Variants in MMP19 observed in about 807,000 individuals in gnomAD.
The protein encoded by MMP19 is matrix metallopeptidase 19.
Under a neutral mutation model 46.6 loss-of-function variants are expected in MMP19, and 47 were observed. The ratio of observed to expected loss-of-function variants is 1.01; its 90% CI spans 0.80 to 1.29. The LOEUF is 1.29. Ranked by LOEUF, MMP19 falls within the 50% of genes most tolerant of loss-of-function variation. The pLI, the probability that MMP19 is intolerant of heterozygous loss-of-function variation, is 0.00. For synonymous variants in MMP19, 222 were observed against 248.5 expected, an observed-to-expected ratio of 0.89 and a Z score of 1.00; for missense variants, 589 against 643.5, an observed-to-expected ratio of 0.92 and a Z score of 0.92.
chr12:55,837,568 A>C lies in MMP19; in HGVS notation c.1175T>G (p.Val392Gly). The C allele has an allele frequency of 6.2e-7, 1 of 1,614,176 alleles. No individual in the cohort carries two copies. The highest frequency in any genetic ancestry group is 8.5e-7 in the Non-Finnish European group (1 of 1,180,034). Residue 392 changes from valine to glycine, a missense_variant, in exon 8 of 9, where the codon GTG becomes GGG. Physicochemically the swap from Val to Gly is moderately radical, Grantham distance 109. Transcript: ENST00000322569. ...TGAACTTTATACCTTAAAGAGGAAC[A>C]CCTTTTGGTTGAGAGGCCAATAGAG... ...AALYWPLNQK[V>G]FLFKGSGYWQ...
Position 55,837,374 on chromosome 12 carries a change from C to T in MMP19, c.1189G>A (p.Gly397Ser). Reference sequence around the variant, plus strand: ...TCGTCCCACTGCCAGTACCCGGAGCCCTGGATATGGGATGGGTGGGGAGAG... The same window carrying T: ...TCGTCCCACTGCCAGTACCCGGAGCTCTGGATATGGGATGGGTGGGGAGAG... ...PLNQKVFLFK[G>S]SGYWQWDELA... Residue 397 changes from glycine to serine, a missense_variant and splice_region_variant, in exon 9 of 9, where the codon GGC becomes AGC. Physicochemically the swap from Gly to Ser is moderately conservative, Grantham distance 56 (BLOSUM62 0). Transcript: ENST00000322569. 6.3e-7 allele frequency: 1 copy of T among 1,596,578 alleles called. No individual in the cohort carries two copies. Among genetic ancestry groups the T allele is most frequent in the Non-Finnish European group, 8.6e-7 (1 of 1,167,882 alleles).
chr12:55,842,779 C>T lies in MMP19; in HGVS notation c.52G>A (p.Gly18Ser). The T allele has an allele frequency of 6.2e-7, 1 of 1,607,662 alleles. No homozygotes were observed. Among genetic ancestry groups the T allele is most frequent in the South Asian group, 1.1e-5 (1 of 89,850 alleles). The change falls in exon 1 of 9, where the codon GGC (glycine) becomes AGC (serine). Residue 18 changes from glycine to serine, a missense_variant. Physicochemically the swap from Gly to Ser is moderately conservative, Grantham distance 56 (BLOSUM62 0). Transcript: ENST00000322569. ...ACCTCTGCAAGCCCCAGGACCCGGC[C>T]TGAGACTGTCATGGGGAGTAGGAAG... The part of the protein sequence containing the change: ...LGFLLPMTVS[G>S]RVLGLAEVAP...
intron 2 of MMP19, among the ~76,000 whole-genome samples, chr12:55,841,712 C>T (rs577110527): frequency 6.6e-6 from 1 of 152,278 alleles, no homozygotes; most frequent in East Asian, 1.9e-4. Context: ...AGCCACCATG[C>T]CCAGCCCCTC....
intron 2 of MMP19, among the ~76,000 whole-genome samples, chr12:55,841,989 A>G (rs907929179): frequency 2.0e-5 from 3 of 152,238 alleles, no homozygotes; most frequent in Admixed American, 6.5e-5. Context: ...AAACTATAAA[A>G]TAGAAATAAA....
rs148639878 is a variant in MMP19, at chr12:55,837,124, G to A, written c.1439C>T (p.Thr480Ile). The A allele has an allele frequency of 1.9e-4, 310 of 1,613,974 alleles. 5 individuals carry two copies. The East Asian group carries it at 6.8e-3, about 35-fold the overall frequency. ...MHCRPRTIDT[T>I]PSGGNTTPSG... is the part of the protein sequence containing the mutation. ...GGGAGTGGTATTCCCACCTGATGGG[G>A]TAGTGTCTATAGTCCGGGGACGACA... Residue 480 changes from threonine to isoleucine, a missense_variant, in exon 9 of 9, where the codon ACC (threonine) becomes ATC (isoleucine). By Grantham distance (89) the Thr-to-Ile change is moderately conservative (BLOSUM62 -1). Coordinates refer to ENST00000322569, the MANE Select transcript of MMP19 (RefSeq NM_002429.6).
chr12:55,836,644 T>G lies in MMP19; in HGVS notation c.*392A>C, dbSNP rs1469025529. On this transcript the variant is annotated 3_prime_UTR_variant, in exon 9 of 9. Transcript: ENST00000322569. ...AGGATTCCAAGGCCCTTGCTCAGTT[T>G]ACTGGCCATGCTGTTTTCTTGCATT... 1 of 164,164 alleles carries G rather than the reference T, an allele frequency of 6.1e-6. No homozygotes were observed. The highest frequency in any genetic ancestry group is 1.8e-4 in the East Asian group (1 of 5,656). The allele number at this position is 164,164 out of a possible 1,614,324, so 10.2% of individuals were successfully genotyped here.
chr12:55,839,533 C>A lies in MMP19; in HGVS notation c.729G>T (p.Leu243=). ...VYEGYRPHFK[L]HPDDVAGIQA... is the part of the protein sequence containing the mutation. Reference sequence around the variant, plus strand: ...GGATCCCTGCCACATCATCTGGGTGCAGCTTAAAGTGGGGCCGGTAGCCCT... The same window carrying A: ...GGATCCCTGCCACATCATCTGGGTGAAGCTTAAAGTGGGGCCGGTAGCCCT... The change falls in exon 5 of 9, where the codon CTG becomes CTT. Residue 243 remains leucine, a synonymous_variant. Coordinates refer to ENST00000322569, the MANE Select transcript of MMP19 (RefSeq NM_002429.6). The A allele has an allele frequency of 6.2e-7, 1 of 1,612,884 alleles. No homozygotes were observed. The highest frequency in any genetic ancestry group is 8.5e-7 in the Non-Finnish European group (1 of 1,178,952).
chr12:55,842,215 A>G (rs150004439), intron 2 of MMP19, 138 bp downstream of exon 2: 3 of 685,286 alleles, frequency 4.4e-6, no homozygotes, highest in African/African-American at 1.8e-5. Flanking sequence ...CCACCACCAT[A>G]ATAATGATCG....
chr12:55,838,384 C>A, intron 6 of MMP19: 1 of 957,202 alleles, frequency 1.0e-6, no homozygotes, highest in East Asian at 2.5e-5. Flanking sequence ...TCTAGTGGCC[C>A]TTAGAGCGTG....
chr12:55,837,470 T>C (rs1881320641), intron 8 of MMP19, 85 bp downstream of exon 8: 3 of 1,592,338 alleles, frequency 1.9e-6, no homozygotes, highest in Admixed American at 1.7e-5. Flanking sequence ...GCAGAACATC[T>C]CCCTTCAAGC....
intron 6 of MMP19, 43 bp downstream of exon 6, chr12:55,838,563 T>A: frequency 6.2e-7 from 1 of 1,613,990 alleles, no homozygotes; most frequent in Non-Finnish European, 8.5e-7. Flanking sequence ...ATCAGCAGGC[T>A]GCCCCCACCG....
At chr12:55,838,233 C>T (rs1368764552) in intron 6 of MMP19, 2 of 621,660 alleles carry the variant, frequency 3.2e-6, no homozygotes, top group Non-Finnish European at 5.5e-6. Flanking sequence ...AACAAAAGCC[C>T]TGCAGATAGC....
Position 55,842,846 on chromosome 12 carries a change from G to A in MMP19, c.-16C>T. On this transcript the variant is annotated 5_prime_UTR_variant, in exon 1 of 9. Transcript: ENST00000322569. ...GGCAGTTCATGGTCCCACCAGACGA[G>A]AGCTCCAGAGGCTGTCCGTGCCTCT... 6.3e-7 allele frequency: 1 copy of A among 1,578,434 alleles called. No homozygotes were observed. The highest frequency in any genetic ancestry group is 8.6e-7 in the Non-Finnish European group (1 of 1,162,326).
At chr12:55,842,264 G>A (rs1427544656) in intron 2 of MMP19, 89 bp downstream of exon 2, 2 of 1,037,950 alleles carry the variant, frequency 1.9e-6, no homozygotes, top group East Asian at 2.4e-5. Context: ...TTAGGGTCAG[G>A]AGGAGGTGGG....
chr12:55,839,569 G>A lies in MMP19; in HGVS notation c.693C>T (p.Ala231=). The part of the protein sequence containing the change: ...GHSRYSQALM[A]PVYEGYRPHF... ...GGGGCCGGTAGCCCTCGTAGACTGG[G>A]GCCATGAGGGCCTGGGAATATCGGG... The change falls in exon 5 of 9, where the codon GCC becomes GCT. Residue 231 remains alanine, a synonymous_variant. Transcript: ENST00000322569. The A allele has an allele frequency of 6.2e-7, 1 of 1,614,200 alleles. No individual in the cohort carries two copies. Among genetic ancestry groups the A allele is most frequent in the Non-Finnish European group, 8.5e-7 (1 of 1,180,028 alleles).
Position 55,837,702 on chromosome 12 carries a change from G to A in MMP19, c.1061-20C>T, listed in dbSNP as rs752763271. The A allele has an allele frequency of 2.5e-6, 4 of 1,614,098 alleles. No individual in the cohort carries two copies. In the South Asian group the frequency reaches 4.4e-5, roughly 18 times the overall value. ...TGTCTCCTGAGAGCATGTGAGGAAA[G>A]AACAAGTCACCTCTGTCCTCAGGTG... On this transcript the variant is annotated intron_variant, in intron 7 of 8. Coordinates refer to ENST00000322569, the MANE Select transcript of MMP19 (RefSeq NM_002429.6).
At chr12:55,840,546 G>A in intron 4 of MMP19, 121 bp downstream of exon 4, 2 of 992,490 alleles carry the variant, frequency 2.0e-6, no homozygotes, top group Non-Finnish European at 2.9e-6. Flanking sequence ...GGTAATTAGA[G>A]AGCGTATGGT....
At chr12:55,837,816 G>A in intron 7 of MMP19, 27 bp downstream of exon 7, 7 of 1,595,858 alleles carry the variant, frequency 4.4e-6, no homozygotes, top group Non-Finnish European at 6.0e-6. Flanking sequence ...CCCTCCTCAA[G>A]TAAGACACTG....
intron 6 of MMP19, 38 bp from the exon 7 acceptor site, chr12:55,838,045 A>G: frequency 6.6e-7 from 1 of 1,519,704 alleles, no homozygotes; most frequent in Non-Finnish European, 8.8e-7. Flanking sequence ...AAAAAGACAG[A>G]GGTCAAGTAG....
Sources: gnomAD v4.1 joint callset for allele counts (sites outside exome capture counted in the v4.1 genomes callset) on GRCh38, gnomAD v4.1.1 for gene constraint, MANE v1.5 for transcripts, NCBI Gene and HGNC (gene_info 2026-07-23, HGNC 2026-07-21) for gene names.